DCDC2C: variants seen among roughly 807,000 people sequenced by gnomAD.
The protein encoded by DCDC2C is doublecortin domain-containing protein 2C.
In DCDC2C, 44 loss-of-function variants were observed where a neutral mutation model predicts 45.0. The observed-to-expected ratio is 0.98, with a 90% CI of 0.77 to 1.26. The LOEUF (loss-of-function observed/expected upper bound fraction) is 1.26. Among genes scored for constraint, DCDC2C ranks in the 50% most tolerant of loss-of-function variants. The pLI is 0.00. For synonymous variants in DCDC2C, 187 were observed against 178.8 expected (o/e 1.05, Z -0.37); for missense variants, 447 against 468.9 (o/e 0.95, Z 0.43).
intron 2 of DCDC2C, among the ~76,000 whole-genome samples, chr2:3,715,152 T>G (rs974877998): frequency 6.6e-6 from 1 of 152,220 alleles, no homozygotes; most frequent in African/African-American, 2.4e-5. Context: ...TCCTTTCTAT[T>G]TAATGATGTA....
chr2:3,704,165 C>G (rs1162285754), intron 1 of DCDC2C, 127 bp downstream of exon 1: 2 of 938,478 alleles, frequency 2.1e-6, no homozygotes, highest in Non-Finnish European at 2.8e-6. Context: ...GCCCATCTTT[C>G]GGCGTGGATC....
At chr2:3,841,009 C>T (rs763643297) in intron 10 of DCDC2C, among the ~76,000 whole-genome samples, 3 of 152,200 alleles carry the variant, frequency 2.0e-5, no homozygotes, top group Non-Finnish European at 4.4e-5. Context: ...GGTCAGCTGA[C>T]AAATGAAGAT....
chr2:3,757,002 C>T (rs1669739438), intron 6 of DCDC2C, among the ~76,000 whole-genome samples: 1 of 152,190 alleles, frequency 6.6e-6, no homozygotes, highest in Admixed American at 6.5e-5. Flanking sequence ...ATGCCTTACT[C>T]CATTGTTCCA....
intron 10 of DCDC2C, among the ~76,000 whole-genome samples, chr2:3,812,084 G>C (rs192616871): frequency 3.7e-4 from 56 of 152,210 alleles, no homozygotes; most frequent in Admixed American, 1.0e-3. Context: ...TCAGAATGAT[G>C]CTGGCTTCAT....
chr2:3,835,415 C>T (rs190872341), intron 10 of DCDC2C, among the ~76,000 whole-genome samples: 11 of 152,040 alleles, frequency 7.2e-5, no homozygotes, highest in African/African-American at 2.2e-4. Flanking sequence ...GCAATAAATT[C>T]GAAAGTCAGA....
chr2:3,737,405 C>A (rs2148098119), intron 3 of DCDC2C, among the ~76,000 whole-genome samples: 1 of 152,294 alleles, frequency 6.6e-6, no homozygotes, highest in East Asian at 1.9e-4. Context: ...CCGTTTACTA[C>A]CCAACTGCAG....
At chr2:3,729,488 G>T (rs1200158279) in intron 3 of DCDC2C, among the ~76,000 whole-genome samples, 1 of 152,244 alleles carries the variant, frequency 6.6e-6, no homozygotes, top group African/African-American at 2.4e-5. Flanking sequence ...GCGTTTTAAA[G>T]GGGGAATGAG....
At chr2:3,810,768 G>A (rs1671372847) in intron 10 of DCDC2C, among the ~76,000 whole-genome samples, 1 of 152,204 alleles carries the variant, frequency 6.6e-6, no homozygotes, top group African/African-American at 2.4e-5. Flanking sequence ...AAGGTATAAG[G>A]AAGGGGTCCA....
chr2:3,719,387 C>T (rs1668433660), intron 2 of DCDC2C, among the ~76,000 whole-genome samples: 1 of 152,178 alleles, frequency 6.6e-6, no homozygotes, highest in South Asian at 2.1e-4. Context: ...GCCCAGCCAG[C>T]TGTTTTCATT....
At chr2:3,791,406 G>A (rs1430390629) in intron 10 of DCDC2C, among the ~76,000 whole-genome samples, 3 of 152,104 alleles carry the variant, frequency 2.0e-5, no homozygotes, top group East Asian at 1.9e-4. Context: ...TCGCCTTTTC[G>A]TGTGGTGGGC....
chr2:3,829,171 A>T (rs1671895719), intron 10 of DCDC2C, among the ~76,000 whole-genome samples: 2 of 151,992 alleles, frequency 1.3e-5, no homozygotes, highest in Non-Finnish European at 2.9e-5. Flanking sequence ...GTGCAACGCA[A>T]CCGCTTCACC....
At chr2:3,798,551 T>C (rs1373564729) in intron 10 of DCDC2C, among the ~76,000 whole-genome samples, 1 of 150,182 alleles carries the variant, frequency 6.7e-6, no homozygotes, top group African/African-American at 2.4e-5. Flanking sequence ...CAGGAGCTCT[T>C]TTAGGGCAGG....
intron 4 of DCDC2C, among the ~76,000 whole-genome samples, chr2:3,751,345 C>G (rs990336289): frequency 6.6e-6 from 1 of 152,232 alleles, no homozygotes. Context: ...CAGGCCCCAG[C>G]GGGAGGAGAA....
chr2:3,718,915 T>C (rs188101865), intron 2 of DCDC2C, among the ~76,000 whole-genome samples: 50 of 152,204 alleles, frequency 3.3e-4, no homozygotes, highest in Non-Finnish European at 5.7e-4. Context: ...AGAGCGCTGA[T>C]TAGTGTGTTT....
intron 10 of DCDC2C, among the ~76,000 whole-genome samples, chr2:3,837,128 C>T (rs1672100832): frequency 6.6e-6 from 1 of 152,266 alleles, no homozygotes; most frequent in East Asian, 1.9e-4. Flanking sequence ...TTCTGAGGAA[C>T]ATGAGGGCAC....
chr2:3,777,999 TCAGGAAACAGGAGGCGCCAGGGCC>T, intron 8 of DCDC2C, among the ~76,000 whole-genome samples: 1 of 151,188 alleles, frequency 6.6e-6, no homozygotes, highest in Non-Finnish European at 1.5e-5. Context: ...TCCTTTGCAG[TCAGGAAACAGGAGGCGCCAGGGCC>T]TCCATCAGTA....
At chr2:3,712,074 A>T (rs554529354) in intron 2 of DCDC2C, among the ~76,000 whole-genome samples, 1 of 152,308 alleles carries the variant, frequency 6.6e-6, no homozygotes, top group Non-Finnish European at 1.5e-5. Context: ...TTGCCTGGAC[A>T]CATGTCAATG....
At chr2:3,815,373 T>C (rs999652927) in intron 10 of DCDC2C, among the ~76,000 whole-genome samples, 1 of 152,194 alleles carries the variant, frequency 6.6e-6, no homozygotes, top group Non-Finnish European at 1.5e-5. Flanking sequence ...TCTTAGTCAG[T>C]TCTGATGAGA....
chr2:3,746,933 C>T (rs357976), intron 4 of DCDC2C, among the ~76,000 whole-genome samples: 53,429 of 151,818 alleles, frequency 0.35, 10,360 homozygotes, highest in South Asian at 0.63. Flanking sequence ...GGTGGGGGGA[C>T]TGTGTGGACA....
Sources: allele counts gnomAD v4.1 joint callset (sites outside exome capture counted in the v4.1 genomes callset), GRCh38; gene constraint gnomAD v4.1.1; transcripts MANE v1.5; gene names NCBI Gene and HGNC (gene_info 2026-07-23, HGNC 2026-07-21).